OPCML: variants seen among roughly 807,000 people sequenced by gnomAD.
The protein encoded by OPCML is opioid binding protein/cell adhesion molecule like.
Under a neutral mutation model 37.8 loss-of-function variants are expected in OPCML, and 13 were observed. The ratio of observed to expected loss-of-function variants is 0.34; its 90% CI spans 0.22 to 0.55. The LOEUF is 0.55. OPCML is among the 20% of genes least tolerant of loss of function. OPCML has a pLI of 0.91. For synonymous variants in OPCML, 176 were observed against 168.8 expected (o/e 1.04, Z -0.33); for missense variants, 341 against 435.6 (o/e 0.78, Z 1.93).
intron 1 of OPCML, among the ~76,000 whole-genome samples, chr11:133,508,259 G>A (rs572346224): frequency 6.6e-6 from 1 of 152,302 alleles, no homozygotes; most frequent in Admixed American, 6.5e-5. Flanking sequence ...TGCTTGGGCT[G>A]GGTTTGGGTA....
chr11:133,126,094 C>CACACAT (rs1491236051), intron 1 of OPCML, among the ~76,000 whole-genome samples: 3 of 127,006 alleles, frequency 2.4e-5, no homozygotes, highest in African/African-American at 8.9e-5. Context: ...CACACACACA[C>CACACAT]ATATATGAGA....
chr11:132,848,857 A>C (rs755493770), intron 2 of OPCML, among the ~76,000 whole-genome samples: 3 of 152,190 alleles, frequency 2.0e-5, no homozygotes, highest in Non-Finnish European at 2.9e-5. Context: ...TTCACAGAGT[A>C]ATTGTGAAAA....
intron 2 of OPCML, among the ~76,000 whole-genome samples, chr11:132,696,348 A>C (rs1943598137): frequency 6.6e-6 from 1 of 152,312 alleles, no homozygotes; most frequent in South Asian, 2.1e-4. Flanking sequence ...CCAGTGCCTC[A>C]CAAATATATA....
rs1947141067 is a variant in OPCML, at chr11:133,007,830, C to A, written c.62-64820G>T. On this transcript the variant is annotated intron_variant, in intron 1 of 7. Coordinates refer to ENST00000524381, the MANE Select transcript of OPCML (RefSeq NM_001012393.5). The stretch of plus-strand genomic sequence containing the variant: ...TGTGGCGGGATCACTCAGCTTTTTG[C>A]AGTTGATACACGGATGGCAATTTTA... 1.0e-5 allele frequency: 10 copies of A among 985,266 alleles called. No individual in the cohort carries two copies. In the South Asian group the frequency reaches 4.7e-4, roughly 46 times the overall value. The allele number at this position is 985,266 out of a possible 1,614,324, so 61.0% of individuals were successfully genotyped here. A position where few individuals can be genotyped will look rare whatever the true frequency, so the allele number is the denominator to read the frequency against.
intron 1 of OPCML, among the ~76,000 whole-genome samples, chr11:133,356,439 C>T (rs977094528): frequency 2.6e-5 from 4 of 152,138 alleles, no homozygotes; most frequent in East Asian, 1.9e-4. Flanking sequence ...TCTCCACAAT[C>T]GGGGTTAGAC....
At chr11:133,506,173 C>T (rs4937788) in intron 1 of OPCML, among the ~76,000 whole-genome samples, 26,100 of 152,180 alleles carry the variant, frequency 0.17, 2,954 homozygotes, top group African/African-American at 0.3. Flanking sequence ...TCCTTCCCAA[C>T]GTTTAAAATA....
At chr11:133,134,583 C>T (rs1454160472) in intron 1 of OPCML, among the ~76,000 whole-genome samples, 2 of 152,202 alleles carry the variant, frequency 1.3e-5, no homozygotes, top group African/African-American at 4.8e-5. Flanking sequence ...ACTCTTGGCC[C>T]TCTCTTCCTG....
At chr11:133,069,466 A>G (rs1473381715) in intron 1 of OPCML, among the ~76,000 whole-genome samples, 9 of 152,180 alleles carry the variant, frequency 5.9e-5, no homozygotes, top group Admixed American at 5.9e-4. Flanking sequence ...GTTACACACA[A>G]GACCATAGCT....
intron 1 of OPCML, among the ~76,000 whole-genome samples, chr11:133,482,853 A>G (rs978762875): frequency 6.6e-6 from 1 of 152,176 alleles, no homozygotes; most frequent in African/African-American, 2.4e-5. Flanking sequence ...TATCTTCATG[A>G]CCTGGGGTAG....
intron 1 of OPCML, among the ~76,000 whole-genome samples, chr11:133,207,751 G>C (rs561242046): frequency 2.0e-5 from 3 of 152,158 alleles, no homozygotes; most frequent in Non-Finnish European, 4.4e-5. Context: ...AAGGCAGATT[G>C]TCAAATGCTA....
chr11:133,333,385 T>TG (rs1943669279), intron 1 of OPCML, among the ~76,000 whole-genome samples: 1 of 141,138 alleles, frequency 7.1e-6, no homozygotes, highest in Admixed American at 7.4e-5. Flanking sequence ...AAACAAGCAA[T>TG]GGGAAAAAAA....
intron 7 of OPCML, among the ~76,000 whole-genome samples, chr11:132,421,666 T>C (rs2095959662): frequency 6.6e-6 from 1 of 152,228 alleles, no homozygotes; most frequent in African/African-American, 2.4e-5. Context: ...ACTTGATAGC[T>C]TGAAGTCTGA....
chr11:133,171,956 A>G (rs1278197622), intron 1 of OPCML, among the ~76,000 whole-genome samples: 1 of 152,172 alleles, frequency 6.6e-6, no homozygotes, highest in Non-Finnish European at 1.5e-5. Flanking sequence ...GAATTGATTT[A>G]ATGCTGGTCT....
intron 1 of OPCML, among the ~76,000 whole-genome samples, chr11:133,518,501 G>A (rs548629877): frequency 2.0e-5 from 3 of 152,086 alleles, no homozygotes; most frequent in East Asian, 1.9e-4. Context: ...AAGTGTGTGC[G>A]GGTGTGGGTG....
intron 1 of OPCML, among the ~76,000 whole-genome samples, chr11:133,306,725 T>A (rs1942928545): frequency 6.6e-6 from 1 of 152,172 alleles, no homozygotes; most frequent in Non-Finnish European, 1.5e-5. Flanking sequence ...GGGTTGAAAG[T>A]GTGGACCCAG....
chr11:133,012,447 T>A (rs1427240455), intron 1 of OPCML, among the ~76,000 whole-genome samples: 1 of 152,140 alleles, frequency 6.6e-6, no homozygotes, highest in African/African-American at 2.4e-5. Flanking sequence ...TCGAATCAAC[T>A]GTAAAACAAC....
intron 1 of OPCML, among the ~76,000 whole-genome samples, chr11:133,392,190 T>G (rs2136814213): frequency 6.6e-6 from 1 of 152,290 alleles, no homozygotes; most frequent in South Asian, 2.1e-4. Context: ...TCACAATAAT[T>G]CTAAGAAGTA....
At chr11:132,960,486 G>C (rs1946068771) in intron 1 of OPCML, among the ~76,000 whole-genome samples, 1 of 152,166 alleles carries the variant, frequency 6.6e-6, no homozygotes. Flanking sequence ...GAAACCGGAG[G>C]CAAGGCAGGA....
chr11:132,745,608 A>G (rs1793266), intron 2 of OPCML, among the ~76,000 whole-genome samples: 27,828 of 138,654 alleles, frequency 0.2, 3,278 homozygotes, highest in South Asian at 0.27. Context: ...AAGAAAGAAA[A>G]AAAAAGGACA....
Sources: allele counts gnomAD v4.1 joint callset (sites outside exome capture counted in the v4.1 genomes callset), GRCh38; gene constraint gnomAD v4.1.1; transcripts MANE v1.5; gene names NCBI Gene and HGNC (gene_info 2026-07-23, HGNC 2026-07-21).